Variants in TMEM59 observed in about 807,000 individuals in gnomAD.
TMEM59 encodes the protein dendritic cell factor 1.
In TMEM59, 44 loss-of-function variants were observed where a neutral mutation model predicts 42.2. That is an observed-to-expected ratio of 1.04 (90% CI 0.82 to 1.34). The LOEUF is 1.34. TMEM59 is among the 40% of genes most tolerant of loss of function. The pLI, the probability that TMEM59 is intolerant of heterozygous loss-of-function variation, is 0.00. For missense variants in TMEM59, 359 were observed against 382.8 expected (o/e 0.94, Z 0.52); for synonymous variants, 148 against 145.8 (o/e 1.02, Z -0.11).
intron 6 of TMEM59, among the ~76,000 whole-genome samples, chr1:54,037,603 T>C (rs1656994236): frequency 6.6e-6 from 1 of 152,238 alleles, no homozygotes; most frequent in Non-Finnish European, 1.5e-5. Flanking sequence ...TTCACATCTC[T>C]GCTCATCCAA....
intron 4 of TMEM59, 107 bp from the exon 5 acceptor site, chr1:54,041,912 A>C (rs1657149634): frequency 2.4e-6 from 2 of 830,586 alleles, no homozygotes; most frequent in East Asian, 5.1e-5. Flanking sequence ...GAGAAAAAGT[A>C]GCAGAAATAC....
chr1:54,035,889 G>A (rs1302981809), intron 7 of TMEM59, among the ~76,000 whole-genome samples: 1 of 152,148 alleles, frequency 6.6e-6, no homozygotes, highest in Admixed American at 6.5e-5. Flanking sequence ...GCTGGGATTA[G>A]AGAGGCATGA....
intron 1 of TMEM59, among the ~76,000 whole-genome samples, chr1:54,049,928 T>C (rs1483670855): frequency 6.6e-6 from 1 of 152,182 alleles, no homozygotes; most frequent in African/African-American, 2.4e-5. Flanking sequence ...CCACACTCCA[T>C]TAAAAAATGA....
At chr1:54,042,562 C>A (rs759299138) in intron 4 of TMEM59, among the ~76,000 whole-genome samples, 1 of 152,160 alleles carries the variant, frequency 6.6e-6, no homozygotes. Context: ...ACATACCAGC[C>A]ATACATTAAG....
rs1323690056 is a variant in TMEM59 at position 54,045,701 on chromosome 1, T to C, written c.381A>G (p.Arg127=). 6.2e-7 allele frequency: 1 copy of C among 1,614,110 alleles called. No individual in the cohort carries two copies. Among genetic ancestry groups the C allele is most frequent in the Admixed American group, 1.7e-5 (1 of 60,018 alleles). The change falls in exon 3 of 8, where the codon AGA becomes AGG. Residue 127 remains arginine, a synonymous_variant. Transcript: ENST00000234831. ...CAGTATTGTTTCGTACTTGTTCTTGTCTCAGTTCAGCGAATGGCAGCTGAT... is the reference window on the plus strand; with the variant it reads ...CAGTATTGTTTCGTACTTGTTCTTGCCTCAGTTCAGCGAATGGCAGCTGAT... The part of the protein sequence containing the change: ...CQNQLPFAEL[R]QEQLMSLMPK...
At chr1:54,045,241 G>GA (rs1193822972) in intron 3 of TMEM59, among the ~76,000 whole-genome samples, 1 of 150,684 alleles carries the variant, frequency 6.6e-6, no homozygotes, top group Non-Finnish European at 1.5e-5. Flanking sequence ...ATGAAATTTA[G>GA]AAAAAAAAAT....
intron 6 of TMEM59, among the ~76,000 whole-genome samples, chr1:54,037,811 A>G (rs1330974324): frequency 6.6e-6 from 1 of 152,196 alleles, no homozygotes; most frequent in Non-Finnish European, 1.5e-5. Flanking sequence ...ATAGAGTAAA[A>G]TATGTTTTTA....
Position 54,045,708 on chromosome 1 carries a change from T to A in TMEM59, c.374A>T (p.Glu125Val), listed in dbSNP as rs766413463. Reference sequence around the variant, plus strand: ...GTTTCGTACTTGTTCTTGTCTCAGTTCAGCGAATGGCAGCTGATTCTGGCA... The same window carrying A: ...GTTTCGTACTTGTTCTTGTCTCAGTACAGCGAATGGCAGCTGATTCTGGCA... ...LGCQNQLPFA[E>V]LRQEQLMSLM... is the part of the protein sequence containing the mutation. Residue 125 changes from glutamate to valine, a missense_variant, in exon 3 of 8, where the codon GAA becomes GTA. Coordinates refer to ENST00000234831, the MANE Select transcript of TMEM59 (RefSeq NM_004872.5). 5.6e-6 allele frequency: 9 copies of A among 1,614,156 alleles called. No homozygotes were observed. In the South Asian group the frequency reaches 9.9e-5, roughly 18 times the overall value.
At chr1:54,038,999 A>G (rs1234097652) in intron 6 of TMEM59, among the ~76,000 whole-genome samples, 1 of 152,078 alleles carries the variant, frequency 6.6e-6, no homozygotes, top group Non-Finnish European at 1.5e-5. Context: ...GTGTGCCACC[A>G]TGTCCAGCTA....
At chr1:54,034,788 A>T (rs1392601408) in intron 7 of TMEM59, 6 of 151,498 alleles carry the variant, frequency 4.0e-5, no homozygotes, top group African/African-American at 1.2e-4. Flanking sequence ...AAGAAAAAAG[A>T]AAGTTCAGTG....
In TMEM59 at chr1:54,031,423, A is replaced by G. The variant is rs1656763527; in HGVS notation, c.*727T>C. ...TGAAGTTTTCTCTGAAAATATGTTT[A>G]CCTTATACTTGATATGCTATCTAAC... On this transcript the variant is annotated 3_prime_UTR_variant, in exon 8 of 8. Transcript: ENST00000234831. 6.6e-6 allele frequency: 1 copy of G among 152,228 alleles called. No homozygotes were observed. The highest frequency in any genetic ancestry group is 2.1e-4 in the South Asian group (1 of 4,832). 9.4% of individuals were successfully genotyped at this position (152,228 alleles called of 1,614,324 possible).
intron 1 of TMEM59, among the ~76,000 whole-genome samples, chr1:54,052,565 G>A (rs776744922): frequency 6.6e-6 from 1 of 152,246 alleles, no homozygotes; most frequent in South Asian, 2.1e-4. Flanking sequence ...CTGCGCTCCT[G>A]GCCCCGAGAG....
At chr1:54,035,470 C>T (rs1656911847) in intron 7 of TMEM59, among the ~76,000 whole-genome samples, 1 of 152,098 alleles carries the variant, frequency 6.6e-6, no homozygotes, top group Non-Finnish European at 1.5e-5. Context: ...TATAGCCTTT[C>T]CCCCAAACAA....
intron 1 of TMEM59, 97 bp downstream of exon 1, chr1:54,052,903 C>T: frequency 1.5e-6 from 2 of 1,373,836 alleles, no homozygotes; most frequent in Non-Finnish European, 2.0e-6. Context: ...ATTGAAGGGC[C>T]GATTTAACAG....
In TMEM59 at chr1:54,045,790, T is replaced by C; in HGVS notation, c.296-4A>G. On this transcript the variant is annotated splice_region_variant and splice_polypyrimidine_tract_variant and intron_variant, in intron 2 of 7. Transcript: ENST00000234831. Reference sequence around the variant, plus strand: ...TGGGAATATGCTTCTGTACATGCTGTAAGAGAAAAATAGTCAAATTACAAG... The same window carrying C: ...TGGGAATATGCTTCTGTACATGCTGCAAGAGAAAAATAGTCAAATTACAAG... 1 of 1,601,030 alleles carries C rather than the reference T, an allele frequency of 6.2e-7. No homozygotes were observed. The highest frequency in any genetic ancestry group is 8.5e-7 in the Non-Finnish European group (1 of 1,171,826).
Position 54,043,318 on chromosome 1 carries a change from C to T in TMEM59, c.543+55G>A, listed in dbSNP as rs1237392031. 4 of 1,371,464 alleles carry T rather than the reference C, an allele frequency of 2.9e-6. No homozygotes were observed. In the Admixed American group the frequency reaches 7.8e-5, roughly 27 times the overall value. 85.0% of individuals were successfully genotyped at this position (1,371,464 alleles called of 1,614,324 possible). On this transcript the variant is annotated intron_variant, in intron 4 of 7. Coordinates refer to ENST00000234831, the MANE Select transcript of TMEM59 (RefSeq NM_004872.5). The stretch of plus-strand genomic sequence containing the variant: ...TCTATGCTGAAACACTCATTTAAGA[C>T]ATATACATTTACTGTTGTTAGTATT...
chr1:54,029,625 T>A lies in TMEM59; in HGVS notation c.*2525A>T, dbSNP rs1296593871. 1 of 152,152 alleles carries A rather than the reference T, an allele frequency of 6.6e-6. No homozygotes were observed. The highest frequency in any genetic ancestry group is 1.5e-5 in the Non-Finnish European group (1 of 68,008). The allele number at this position is 152,152 out of a possible 1,614,324, so 9.4% of individuals were successfully genotyped here. On this transcript the variant is annotated 3_prime_UTR_variant, in exon 8 of 8. Transcript: ENST00000234831. ...GTTGCTTTGGTTGGGATTTTCAAGA[T>A]CGGAAACATTTTTATGCTGTATATA...
At chr1:54,050,636 G>A (rs1185932256) in intron 1 of TMEM59, among the ~76,000 whole-genome samples, 4 of 150,524 alleles carry the variant, frequency 2.7e-5, no homozygotes, top group Non-Finnish European at 5.9e-5. Flanking sequence ...CGGGCTCACT[G>A]CAACCTCTGT....
chr1:54,050,854 G>A lies in TMEM59; in HGVS notation c.189+2146C>T, dbSNP rs370476280. Among the ~76,000 whole-genome samples the A allele has an allele frequency of 8.4e-4, 124 of 148,492 alleles. 1 individual carries two copies. The East Asian group carries it at 0.02, about 24-fold the overall frequency. On this transcript the variant is annotated intron_variant, in intron 1 of 7. Transcript: ENST00000234831. ...TGGGATTACAGGAGTGAGCCACCGC[G>A]CCCGGCATTTTTTTATTTTTATTTT... is the stretch of plus-strand genomic sequence containing the variant.
Sources: gnomAD v4.1 joint callset for allele counts (sites outside exome capture counted in the v4.1 genomes callset) on GRCh38, gnomAD v4.1.1 for gene constraint, MANE v1.5 for transcripts, NCBI Gene and HGNC (gene_info 2026-07-23, HGNC 2026-07-21) for gene names.